Variants in GFPT2 observed in about 807,000 individuals in gnomAD.
GFPT2 encodes the protein glutamine--fructose-6-phosphate transaminase 2, also known as glutamine--fructose-6-phosphate aminotransferase [isomerizing] 2.
A neutral mutation model predicts 85.6 loss-of-function variants in GFPT2; 62 were observed. That is an observed-to-expected ratio of 0.72 (90% CI 0.59 to 0.90). The LOEUF (loss-of-function observed/expected upper bound fraction) is 0.90. Among genes scored for constraint, GFPT2 ranks in the 40% least tolerant of loss-of-function variants. The pLI is 0.00. For synonymous variants in GFPT2, 368 were observed against 344.5 expected (o/e 1.07, Z -0.75); for missense variants, 788 against 893.4 (o/e 0.88, Z 1.50).
intron 9 of GFPT2, among the ~76,000 whole-genome samples, chr5:180,322,604 G>A (rs62404932): frequency 0.032 from 4,929 of 152,270 alleles, 155 homozygotes; most frequent in Non-Finnish European, 0.045. Context: ...CAGGATATAG[G>A]ATTTCCACAC....
chr5:180,336,820 C>G (rs1175561039), intron 2 of GFPT2, among the ~76,000 whole-genome samples: 2 of 152,266 alleles, frequency 1.3e-5, no homozygotes, highest in Admixed American at 1.3e-4. Flanking sequence ...TCCTGCCTAG[C>G]TAGGGTGAGC....
chr5:180,320,429 G>A (rs1205441636), intron 9 of GFPT2, among the ~76,000 whole-genome samples: 2 of 152,140 alleles, frequency 1.3e-5, no homozygotes, highest in Non-Finnish European at 2.9e-5. Flanking sequence ...GTGATTAATG[G>A]TATATAGTTG....
chr5:180,339,026 GCGCTGGGGCCTTTGCTTCCACGGTCC>G (rs1764458193), intron 1 of GFPT2, among the ~76,000 whole-genome samples: 1 of 152,180 alleles, frequency 6.6e-6, no homozygotes, highest in South Asian at 2.1e-4. Flanking sequence ...GATGGGACAG[GCGCTGGGGCCTTTGCTTCCACGGTCC>G]CCTTCTCCGT....
intron 15 of GFPT2, among the ~76,000 whole-genome samples, chr5:180,312,212 A>AGGGAGGCG (rs1763907400): frequency 9.8e-6 from 1 of 101,692 alleles, no homozygotes; most frequent in Non-Finnish European, 2.0e-5. Context: ...GCAGGGAGGC[A>AGGGAGGCG]GGGAGGCAGG....
intron 1 of GFPT2, among the ~76,000 whole-genome samples, chr5:180,341,776 G>A (rs1439171146): frequency 6.6e-6 from 1 of 152,200 alleles, no homozygotes; most frequent in African/African-American, 2.4e-5. Flanking sequence ...GCCCTTCTCC[G>A]GCAGGGCCAA....
At chr5:180,350,726 AGT>A (rs1764696333) in intron 1 of GFPT2, among the ~76,000 whole-genome samples, 1 of 152,194 alleles carries the variant, frequency 6.6e-6, no homozygotes, top group Admixed American at 6.5e-5. Flanking sequence ...ATAAAACCAA[AGT>A]GTCATTTCAG....
chr5:180,339,645 C>G (rs141055217), intron 1 of GFPT2, among the ~76,000 whole-genome samples: 287 of 152,284 alleles, frequency 1.9e-3, no homozygotes, highest in Non-Finnish European at 3.3e-3. Context: ...TGTGCATGCC[C>G]CATCCTCATC....
At chr5:180,336,643 C>T in intron 2 of GFPT2, 66 bp from the exon 3 acceptor site, 1 of 1,045,656 alleles carries the variant, frequency 9.6e-7, no homozygotes, top group Non-Finnish European at 1.5e-6. Context: ...GGCACAGGTG[C>T]TCCGCAGGGT....
chr5:180,304,875 G>A lies in GFPT2; in HGVS notation c.1739C>T (p.Pro580Leu). 6.2e-7 allele frequency: 1 copy of A among 1,613,042 alleles called. No homozygotes were observed. Among genetic ancestry groups the A allele is most frequent in the East Asian group, 2.2e-5 (1 of 44,894 alleles). The change falls in exon 17 of 19, where the codon CCC becomes CTC. Residue 580 changes from proline to leucine, a missense_variant. By Grantham distance (98) the Pro-to-Leu change is moderately conservative. Coordinates refer to ENST00000253778, the MANE Select transcript of GFPT2 (RefSeq NM_005110.4). ...GILAGELKHG[P>L]LALIDKQMPV... ...CATCTGCTTGTCAATCAGTGCCAGG[G>A]GCCCGTGCTTCAGCTCCCCAGCCAG...
intron 2 of GFPT2, 28 bp downstream of exon 2, chr5:180,338,465 G>C (rs1764446117): frequency 2.3e-6 from 3 of 1,314,854 alleles, no homozygotes. Context: ...CCGGTCCCCA[G>C]CCACGAGGCG....
At chr5:180,336,231 T>C (rs1166220916) in intron 3 of GFPT2, 1 of 581,022 alleles carries the variant, frequency 1.7e-6, no homozygotes, top group Admixed American at 3.2e-5. Context: ...TATCATTTGC[T>C]GGAATAATTA....
intron 1 of GFPT2, among the ~76,000 whole-genome samples, chr5:180,343,589 CT>C (rs1296073441): frequency 6.6e-6 from 1 of 152,266 alleles, no homozygotes; most frequent in African/African-American, 2.4e-5. Flanking sequence ...TGTTTCTTTG[CT>C]TTTGCAGCTC....
chr5:180,338,629 C>T, intron 1 of GFPT2, 29 bp from the exon 2 acceptor site: 1 of 1,308,998 alleles, frequency 7.6e-7, no homozygotes, highest in Non-Finnish European at 1.1e-6. Flanking sequence ...ATGGTGCATT[C>T]ATAAAATACT....
chr5:180,340,192 T>TG (rs1476763954), intron 1 of GFPT2, among the ~76,000 whole-genome samples: 2 of 151,826 alleles, frequency 1.3e-5, no homozygotes, highest in Non-Finnish European at 2.9e-5. Flanking sequence ...AGGTTTTTTT[T>TG]TTTGTTTTTG....
Position 180,313,382 on chromosome 5 carries a change from G to C in GFPT2, c.1431+425C>G, listed in dbSNP as rs893560575. On this transcript the variant is annotated intron_variant, in intron 14 of 18. Transcript: ENST00000253778. Reference sequence around the variant, plus strand: ...CGAGGCGGGCGGATCACGAGGTCAGGAGATCGAGACCATCCCGGCTAACAC... The same window carrying C: ...CGAGGCGGGCGGATCACGAGGTCAGCAGATCGAGACCATCCCGGCTAACAC... Among the ~76,000 whole-genome samples the C allele has an allele frequency of 8.1e-4, 122 of 150,776 alleles. 2 individuals are homozygous for C. In the East Asian group the frequency reaches 0.024, roughly 30 times the overall value.
At position 180,353,290 on chromosome 5, in the gene GFPT2, CTCCTCCGTGGGCTCCGTG is replaced by C. The variant is rs1764754657; in HGVS notation, c.-91_-74del. On this transcript the variant is annotated 5_prime_UTR_variant, in exon 1 of 19. Transcript: ENST00000253778. ...TCGGACGCTGGGGCTCCTCCGTGGG[CTCCTCCGTGGGCTCCGTG>C]GGCTCCGTGGGCTCCGCGGGCTCCA... The C allele has an allele frequency of 1.1e-5, 12 of 1,135,262 alleles. No individual in the cohort carries two copies. The highest frequency in any genetic ancestry group is 1.3e-5 in the Non-Finnish European group (12 of 909,688). 70.3% of individuals were successfully genotyped at this position (1,135,262 alleles called of 1,614,324 possible).
intron 12 of GFPT2, 52 bp downstream of exon 12, chr5:180,316,712 T>C (rs1050774015): frequency 3.1e-6 from 4 of 1,277,208 alleles, no homozygotes; most frequent in African/African-American, 2.9e-5. Flanking sequence ...TGAAGGCCAG[T>C]GTCTGGTCCT....
At chr5:180,317,898 A>G (rs754415095) in intron 10 of GFPT2, among the ~76,000 whole-genome samples, 36 of 152,134 alleles carry the variant, frequency 2.4e-4, no homozygotes, top group Admixed American at 7.9e-4. Context: ...AGGTACCCAC[A>G]GGCAGGGCAG....
At chr5:180,352,323 C>T in intron 1 of GFPT2, 1 of 407,324 alleles carries the variant, frequency 2.5e-6, no homozygotes, top group South Asian at 1.7e-5. Flanking sequence ...GAATGGGTAA[C>T]CGAATCCTAC....
Sources: gnomAD v4.1 joint callset for allele counts (sites outside exome capture counted in the v4.1 genomes callset) on GRCh38, gnomAD v4.1.1 for gene constraint, MANE v1.5 for transcripts, NCBI Gene and HGNC (gene_info 2026-07-23, HGNC 2026-07-21) for gene names.